The following DTD1 variants were observed in gnomAD, a reference collection of about 807,000 sequenced individuals.
The protein encoded by DTD1 is D-tyrosyl-tRNA deacylase 1 homolog.
A neutral mutation model predicts 25.6 loss-of-function variants in DTD1; 13 were observed. The observed-to-expected ratio is 0.51, with a 90% CI of 0.33 to 0.81. The LOEUF is 0.81. Ranked by LOEUF, DTD1 falls within the 30% of genes least tolerant of loss-of-function variation. The probability of loss-of-function intolerance (pLI) is 0.02; values close to 1 mark genes in which losing one functional copy is unlikely to be tolerated. For missense variants in DTD1, 193 were observed against 266.4 expected, an observed-to-expected ratio of 0.72 and a Z score of 1.92; for synonymous variants, 110 against 103.6, an observed-to-expected ratio of 1.06 and a Z score of -0.37.
intron 4 of DTD1, among the ~76,000 whole-genome samples, chr20:18,702,409 C>A (rs1028966846): frequency 6.6e-6 from 1 of 152,124 alleles, no homozygotes; most frequent in Non-Finnish European, 1.5e-5. Context: ...CCAGACTGGG[C>A]AGTTGTTGAG....
chr20:18,711,870 C>G (rs1047710046), intron 4 of DTD1, among the ~76,000 whole-genome samples: 1 of 151,456 alleles, frequency 6.6e-6, no homozygotes, highest in African/African-American at 2.4e-5. Context: ...ATAGTGAAAC[C>G]CTGTCTCTAC....
At chr20:18,679,531 T>C (rs1485043570) in intron 4 of DTD1, among the ~76,000 whole-genome samples, 1 of 152,234 alleles carries the variant, frequency 6.6e-6, no homozygotes, top group African/African-American at 2.4e-5. Context: ...TATGTAACAC[T>C]GATCTGCCTG....
chr20:18,741,363 A>G (rs554176545), intron 4 of DTD1, among the ~76,000 whole-genome samples: 55 of 152,338 alleles, frequency 3.6e-4, no homozygotes, highest in South Asian at 1.2e-3. Context: ...GAAGGAAGCT[A>G]TGTACTGATT....
intron 1 of DTD1, chr20:18,592,673 A>G (rs2060594256): frequency 7.1e-6 from 1 of 140,378 alleles, no homozygotes; most frequent in Non-Finnish European, 1.5e-5. Flanking sequence ...ATAAAGATGC[A>G]TCTTTTTTTT....
intron 4 of DTD1, among the ~76,000 whole-genome samples, chr20:18,677,443 A>G (rs2060980740): frequency 6.6e-6 from 1 of 152,060 alleles, no homozygotes; most frequent in Non-Finnish European, 1.5e-5. Flanking sequence ...TCTCTTATTT[A>G]AGAACACTTG....
chr20:18,641,109 G>A (rs1251878327), intron 4 of DTD1, among the ~76,000 whole-genome samples: 1 of 152,040 alleles, frequency 6.6e-6, no homozygotes, highest in East Asian at 1.9e-4. Context: ...TTTGTGACTG[G>A]CTTATGTCAC....
At chr20:18,622,624 A>T (rs1010258733) in intron 3 of DTD1, among the ~76,000 whole-genome samples, 1 of 152,204 alleles carries the variant, frequency 6.6e-6, no homozygotes, top group Non-Finnish European at 1.5e-5. Flanking sequence ...TTGTTAGTGT[A>T]GAATTTTTGC....
At chr20:18,733,604 AC>A (rs2061246232) in intron 4 of DTD1, among the ~76,000 whole-genome samples, 2 of 152,238 alleles carry the variant, frequency 1.3e-5, no homozygotes, top group Non-Finnish European at 2.9e-5. Flanking sequence ...GAAGGAGTAG[AC>A]CAAAGAGACT....
At chr20:18,727,557 T>C (rs910488776) in intron 4 of DTD1, among the ~76,000 whole-genome samples, 1 of 152,018 alleles carries the variant, frequency 6.6e-6, no homozygotes, top group Non-Finnish European at 1.5e-5. Context: ...TGAGTTTTAG[T>C]GAGATATTCA....
chr20:18,630,097 G>T (rs567392765), intron 4 of DTD1, among the ~76,000 whole-genome samples: 2 of 147,284 alleles, frequency 1.4e-5, no homozygotes, highest in South Asian at 4.3e-4. Flanking sequence ...GGTAGTAACT[G>T]AGGGTCTTGG....
At chr20:18,678,537 A>G (rs543620358) in intron 4 of DTD1, among the ~76,000 whole-genome samples, 24 of 152,350 alleles carry the variant, frequency 1.6e-4, no homozygotes, top group Non-Finnish European at 2.6e-4. Flanking sequence ...AGGTGAGACC[A>G]TATTGTAACT....
intron 4 of DTD1, among the ~76,000 whole-genome samples, chr20:18,689,034 A>G (rs566124599): frequency 9.2e-5 from 14 of 152,340 alleles, no homozygotes; most frequent in Admixed American, 5.9e-4. Flanking sequence ...CATTTCTAAT[A>G]CTCGTGCTAG....
chr20:18,711,535 A>G (rs190190208), intron 4 of DTD1, among the ~76,000 whole-genome samples: 189 of 151,678 alleles, frequency 1.2e-3, no homozygotes, highest in Middle Eastern at 3.4e-3. Context: ...TTAAACTTCA[A>G]TGTGATGGTG....
chr20:18,730,223 G>A (rs114972872), intron 4 of DTD1, among the ~76,000 whole-genome samples: 1,789 of 152,138 alleles, frequency 0.012, 34 homozygotes, highest in African/African-American at 0.04. Flanking sequence ...GTATTTAAGT[G>A]GTTCCACAGT....
intron 5 of DTD1, among the ~76,000 whole-genome samples, chr20:18,758,194 C>G (rs2122539594): frequency 6.6e-6 from 1 of 152,086 alleles, no homozygotes; most frequent in Non-Finnish European, 1.5e-5. Flanking sequence ...AGCGGTCTAT[C>G]AATTTTGTTG....
intron 4 of DTD1, among the ~76,000 whole-genome samples, chr20:18,720,165 C>A (rs1260283547): frequency 6.6e-6 from 1 of 152,194 alleles, no homozygotes; most frequent in Non-Finnish European, 1.5e-5. Context: ...ATATGCCACA[C>A]TCAGGCCATA....
chr20:18,683,739 A>G (rs1242796618), intron 4 of DTD1, among the ~76,000 whole-genome samples: 1 of 152,182 alleles, frequency 6.6e-6, no homozygotes. Flanking sequence ...GGGTAGTTTT[A>G]TGGTTAGGAA....
chr20:18,707,291 G>T (rs2061130486), intron 4 of DTD1, among the ~76,000 whole-genome samples: 1 of 152,188 alleles, frequency 6.6e-6, no homozygotes, highest in South Asian at 2.1e-4. Context: ...CTCATTTCAA[G>T]GTTTTTTCCA....
At chr20:18,631,596 A>G (rs2060787815) in intron 4 of DTD1, 2 of 985,440 alleles carry the variant, frequency 2.0e-6, no homozygotes, top group Non-Finnish European at 2.4e-6. Context: ...CGAGGGCCCC[A>G]GTGACCTCAC....
Sources: allele counts gnomAD v4.1 joint callset (sites outside exome capture counted in the v4.1 genomes callset), GRCh38; gene constraint gnomAD v4.1.1; transcripts MANE v1.5; gene names NCBI Gene and HGNC (gene_info 2026-07-23, HGNC 2026-07-21).